Variants in ERCC8 observed in about 807,000 individuals in gnomAD.
ERCC8 encodes the protein ERCC excision repair 8, CSA ubiquitin ligase complex subunit.
Under a neutral mutation model 54.9 loss-of-function variants are expected in ERCC8, and 52 were observed. The ratio of observed to expected loss-of-function variants is 0.95; its 90% CI spans 0.76 to 1.19. The LOEUF (loss-of-function observed/expected upper bound fraction) is 1.19, where lower values mean the gene tolerates loss of function less well. Ranked by LOEUF, ERCC8 falls within the 50% of genes most tolerant of loss-of-function variation. The pLI, the probability that ERCC8 is intolerant of heterozygous loss-of-function variation, is 0.00. For missense variants in ERCC8, 514 were observed against 466.1 expected, an observed-to-expected ratio of 1.10 and a Z score of -0.95; for synonymous variants, 146 against 157.2, an observed-to-expected ratio of 0.93 and a Z score of 0.53.
chr5:60,911,917 T>C (rs1749278549), intron 4 of ERCC8, among the ~76,000 whole-genome samples: 1 of 152,220 alleles, frequency 6.6e-6, no homozygotes, highest in Admixed American at 6.5e-5. Flanking sequence ...TGTGGTGTTA[T>C]TTCTGAGGCC....
intron 4 of ERCC8, among the ~76,000 whole-genome samples, chr5:60,907,881 T>G (rs1377374852): frequency 6.6e-6 from 1 of 152,238 alleles, no homozygotes; most frequent in Non-Finnish European, 1.5e-5. Context: ...CTTATTTTTA[T>G]CGCACTACTG....
chr5:60,880,110 C>G (rs1748160389), intron 11 of ERCC8, among the ~76,000 whole-genome samples: 1 of 152,126 alleles, frequency 6.6e-6, no homozygotes, highest in Non-Finnish European at 1.5e-5. Context: ...GATTTTATTT[C>G]TCCTTCACTT....
At chr5:60,897,319 T>C (rs1291905226) in intron 9 of ERCC8, among the ~76,000 whole-genome samples, 2 of 152,198 alleles carry the variant, frequency 1.3e-5, no homozygotes, top group Non-Finnish European at 2.9e-5. Context: ...TAATCTAATA[T>C]ATAATTTATC....
In ERCC8 at chr5:60,867,790, A is replaced by C. The variant is rs1747784440; in HGVS notation, c.*6825T>G. Among the ~76,000 whole-genome samples, 2 of 152,240 alleles carry C rather than the reference A, an allele frequency of 1.3e-5. No homozygotes were observed. Among genetic ancestry groups the C allele is most frequent in the Non-Finnish European group, 2.9e-5 (2 of 68,052 alleles). On this transcript the variant is annotated 3_prime_UTR_variant, in exon 12 of 12. Transcript: ENST00000676185. ...TTACAGAAGGTGTTGACAAGCTCTC[A>C]TTTAGTACTGTTGCTAATCCTTGCC... is the stretch of plus-strand genomic sequence containing the variant.
rs554386510 is a variant in ERCC8, at chr5:60,898,244, T to A, written c.843+32A>T. On this transcript the variant is annotated intron_variant, in intron 9 of 11. Coordinates refer to ENST00000676185, the MANE Select transcript of ERCC8 (RefSeq NM_000082.4). The stretch of plus-strand genomic sequence containing the variant: ...TATGTCACAGATCCATTTCTTAATT[T>A]ATACCCAAATATATACTTAAAAATC... 4 of 1,604,778 alleles carry A rather than the reference T, an allele frequency of 2.5e-6. No homozygotes were observed. In the Admixed American group the frequency reaches 5.0e-5, roughly 20 times the overall value.
intron 1 of ERCC8, among the ~76,000 whole-genome samples, chr5:60,943,020 C>T (rs1170873286): frequency 6.6e-6 from 1 of 151,934 alleles, no homozygotes; most frequent in Non-Finnish European, 1.5e-5. Context: ...CATATAATCC[C>T]GGCACTTTAG....
At chr5:60,934,730 T>A (rs1478681159) in intron 1 of ERCC8, among the ~76,000 whole-genome samples, 7 of 152,248 alleles carry the variant, frequency 4.6e-5, no homozygotes, top group Admixed American at 3.9e-4. Flanking sequence ...CATCTTGAGT[T>A]GATTTTTGTA....
At chr5:60,934,604 T>C (rs575920981) in intron 1 of ERCC8, among the ~76,000 whole-genome samples, 4 of 152,216 alleles carry the variant, frequency 2.6e-5, no homozygotes, top group Non-Finnish European at 5.9e-5. Flanking sequence ...TTTGTCGTGT[T>C]TGCTTTTCGG....
intron 9 of ERCC8, among the ~76,000 whole-genome samples, chr5:60,894,298 A>G (rs540616479): frequency 1.3e-5 from 2 of 152,250 alleles, no homozygotes; most frequent in African/African-American, 4.8e-5. Context: ...ATTTATCTTA[A>G]GGAAATAATT....
chr5:60,872,250 A>C lies in ERCC8; in HGVS notation c.*2365T>G, dbSNP rs1161677204. On this transcript the variant is annotated 3_prime_UTR_variant, in exon 12 of 12. Transcript: ENST00000676185. ...CTCCATGACATTGGTCTGGGCAATG[A>C]TTTTTTTGGATACGATCTCAAAAGC... 6.6e-6 allele frequency among the ~76,000 whole-genome samples: 1 copy of C among 152,178 alleles called. No individual in the cohort carries two copies. Among genetic ancestry groups the C allele is most frequent in the Non-Finnish European group, 1.5e-5 (1 of 68,030 alleles).
intron 2 of ERCC8, among the ~76,000 whole-genome samples, chr5:60,926,058 C>T (rs1171701342): frequency 6.6e-6 from 1 of 152,100 alleles, no homozygotes; most frequent in African/African-American, 2.4e-5. Flanking sequence ...CTCCTGACCT[C>T]AGGTAATCCG....
intron 9 of ERCC8, chr5:60,892,256 A>G (rs900552598): frequency 5.4e-6 from 3 of 552,234 alleles, no homozygotes; most frequent in Non-Finnish European, 1.1e-5. Flanking sequence ...TTTATCTTCA[A>G]TGGCATCTGC....
intron 4 of ERCC8, among the ~76,000 whole-genome samples, chr5:60,911,326 T>C (rs1233605701): frequency 6.6e-6 from 1 of 152,198 alleles, no homozygotes; most frequent in Non-Finnish European, 1.5e-5. Flanking sequence ...GTGGTTTTGA[T>C]TTGCATTTCT....
chr5:60,891,211 T>A, intron 9 of ERCC8, 125 bp from the exon 10 acceptor site: 1 of 674,762 alleles, frequency 1.5e-6, no homozygotes, highest in East Asian at 2.7e-5. Context: ...AGGAAAATAT[T>A]CAACGTTGAC....
At chr5:60,924,182 T>G (rs1344228629) in intron 2 of ERCC8, 1 of 152,440 alleles carries the variant, frequency 6.6e-6, no homozygotes, top group African/African-American at 2.4e-5. Flanking sequence ...TAATTTCTAT[T>G]TCCCATTGCT....
chr5:60,911,738 T>C (rs1749272046), intron 4 of ERCC8, among the ~76,000 whole-genome samples: 1 of 145,744 alleles, frequency 6.9e-6, no homozygotes, highest in Admixed American at 7.1e-5. Flanking sequence ...AACATTTAAG[T>C]CTTTAATCCA....
chr5:60,921,044 T>A (rs1333636849), intron 3 of ERCC8, among the ~76,000 whole-genome samples: 1 of 151,892 alleles, frequency 6.6e-6, no homozygotes, highest in Non-Finnish European at 1.5e-5. Flanking sequence ...GTACATTGCT[T>A]TTCACTTATG....
At chr5:60,908,466 C>T (rs1263426254) in intron 4 of ERCC8, among the ~76,000 whole-genome samples, 1 of 151,658 alleles carries the variant, frequency 6.6e-6, no homozygotes, top group African/African-American at 2.4e-5. Context: ...AAATTGAACT[C>T]ATCATTCCAA....
At chr5:60,942,323 G>A (rs1456711348) in intron 1 of ERCC8, among the ~76,000 whole-genome samples, 1 of 151,978 alleles carries the variant, frequency 6.6e-6, no homozygotes, top group African/African-American at 2.4e-5. Context: ...AGAAATAAAA[G>A]CATATGTTCA....
Sources: allele counts gnomAD v4.1 joint callset (sites outside exome capture counted in the v4.1 genomes callset), GRCh38; gene constraint gnomAD v4.1.1; transcripts MANE v1.5; gene names NCBI Gene and HGNC (gene_info 2026-07-23, HGNC 2026-07-21).